Variants in GRIP1 observed in about 807,000 individuals in gnomAD.
The protein encoded by GRIP1 is glutamate receptor-interacting protein 1.
Under a neutral mutation model 129.9 loss-of-function variants are expected in GRIP1, and 45 were observed. The observed-to-expected ratio is 0.35, with a 90% CI of 0.27 to 0.44. GRIP1 has a LOEUF of 0.44. Among genes scored for constraint, GRIP1 ranks in the 20% least tolerant of loss-of-function variants. The pLI is 1.00. For synonymous variants in GRIP1, 530 were observed against 520.8 expected (o/e 1.02, Z -0.24); for missense variants, 1,196 against 1,396.8 (o/e 0.86, Z 2.29).
intron 1 of GRIP1, among the ~76,000 whole-genome samples, chr12:66,605,271 CTT>C (rs368662090): frequency 6.6e-6 from 1 of 152,002 alleles, no homozygotes; most frequent in African/African-American, 2.4e-5. Context: ...TAAATTGCTT[CTT>C]TTTTTGCCCC....
At chr12:66,786,952 T>C (rs965996570) in intron 1 of GRIP1, among the ~76,000 whole-genome samples, 2 of 152,188 alleles carry the variant, frequency 1.3e-5, no homozygotes, top group African/African-American at 4.8e-5. Flanking sequence ...ATCCTTTTGA[T>C]ACCTGAAAGT....
chr12:66,726,874 A>T (rs1237110873), intron 1 of GRIP1, among the ~76,000 whole-genome samples: 2 of 152,184 alleles, frequency 1.3e-5, no homozygotes, highest in Non-Finnish European at 2.9e-5. Context: ...AGGCAAAGCA[A>T]ATTTCCTCAA....
chr12:66,922,007 A>G (rs1050964784), intron 1 of GRIP1, among the ~76,000 whole-genome samples: 2 of 152,250 alleles, frequency 1.3e-5, no homozygotes, highest in African/African-American at 4.8e-5. Flanking sequence ...CAGAGACATG[A>G]AAAATTATTA....
chr12:66,914,221 G>A (rs1415363985), intron 1 of GRIP1, among the ~76,000 whole-genome samples: 1 of 152,112 alleles, frequency 6.6e-6, no homozygotes, highest in Non-Finnish European at 1.5e-5. Flanking sequence ...AAAATGGGGG[G>A]TAGGCACATA....
At chr12:66,523,284 G>A (rs955060078) in intron 5 of GRIP1, among the ~76,000 whole-genome samples, 2 of 150,510 alleles carry the variant, frequency 1.3e-5, no homozygotes, top group African/African-American at 4.9e-5. Flanking sequence ...AGAGAGAAAG[G>A]TCGGGTTACC....
intron 1 of GRIP1, among the ~76,000 whole-genome samples, chr12:66,999,734 A>G (rs1223720850): frequency 6.6e-6 from 1 of 152,216 alleles, no homozygotes; most frequent in East Asian, 1.9e-4. Flanking sequence ...GATTCAGAGT[A>G]AAGACACCAA....
chr12:67,064,429 T>C (rs1323149736), intron 1 of GRIP1, among the ~76,000 whole-genome samples: 1 of 152,210 alleles, frequency 6.6e-6, no homozygotes, highest in Non-Finnish European at 1.5e-5. Flanking sequence ...ATTCATTAGC[T>C]CTCTGAACCT....
At chr12:66,573,904 C>CTGATCA (rs1214071904) in intron 2 of GRIP1, among the ~76,000 whole-genome samples, 1 of 152,158 alleles carries the variant, frequency 6.6e-6, no homozygotes, top group Non-Finnish European at 1.5e-5. Flanking sequence ...GGGGATCATG[C>CTGATCA]TGGTTGGTGC....
At chr12:66,533,540 G>A (rs111731891) in intron 4 of GRIP1, among the ~76,000 whole-genome samples, 7,068 of 152,112 alleles carry the variant, frequency 0.046, 540 homozygotes, top group African/African-American at 0.16. Flanking sequence ...AGCTACTCAG[G>A]AGGCTGAGGC....
At chr12:66,467,366 T>C (rs2059315174) in intron 7 of GRIP1, among the ~76,000 whole-genome samples, 1 of 152,194 alleles carries the variant, frequency 6.6e-6, no homozygotes, top group Admixed American at 6.5e-5. Context: ...CTAGGGCCAA[T>C]GACAATGTCC....
chr12:66,649,464 C>T (rs1429666450), intron 1 of GRIP1, among the ~76,000 whole-genome samples: 3 of 152,204 alleles, frequency 2.0e-5, no homozygotes, highest in Non-Finnish European at 4.4e-5. Flanking sequence ...TTCAATTAAA[C>T]ACACAATTAT....
chr12:66,971,336 T>C (rs973508015), intron 1 of GRIP1, among the ~76,000 whole-genome samples: 1 of 152,208 alleles, frequency 6.6e-6, no homozygotes, highest in Non-Finnish European at 1.5e-5. Flanking sequence ...CTTTACATGC[T>C]GGAGTGCCTT....
At chr12:66,614,732 G>A (rs1475367281) in intron 1 of GRIP1, among the ~76,000 whole-genome samples, 2 of 152,060 alleles carry the variant, frequency 1.3e-5, no homozygotes, top group Admixed American at 6.6e-5. Context: ...CTACAAGGCC[G>A]TCTGTAATCC....
chr12:66,839,569 G>A (rs145186275), intron 1 of GRIP1, among the ~76,000 whole-genome samples: 10 of 152,274 alleles, frequency 6.6e-5, no homozygotes, highest in East Asian at 5.8e-4. Context: ...ATTCCACTCA[G>A]TCAACTGAGT....
intron 23 of GRIP1, among the ~76,000 whole-genome samples, chr12:66,361,577 G>T (rs901655111): frequency 3.3e-5 from 5 of 152,204 alleles, no homozygotes; most frequent in Non-Finnish European, 7.3e-5. Context: ...AAACCAAGCT[G>T]CAAGCAAGCA....
At chr12:66,652,166 G>A (rs2032840188) in intron 1 of GRIP1, among the ~76,000 whole-genome samples, 1 of 152,162 alleles carries the variant, frequency 6.6e-6, no homozygotes, top group South Asian at 2.1e-4. Context: ...GGTTGGCTGT[G>A]TCCCCACCCA....
intron 7 of GRIP1, among the ~76,000 whole-genome samples, chr12:66,479,553 CT>C (rs979026678): frequency 6.6e-6 from 1 of 152,138 alleles, no homozygotes; most frequent in African/African-American, 2.4e-5. Context: ...AGAGGGACTC[CT>C]CCCTAACTCA....
intron 1 of GRIP1, among the ~76,000 whole-genome samples, chr12:66,605,067 A>T (rs963528103): frequency 4.0e-5 from 2 of 49,828 alleles, no homozygotes; most frequent in Admixed American, 3.3e-4. Flanking sequence ...ATATATATAC[A>T]TATATATATA....
intron 7 of GRIP1, among the ~76,000 whole-genome samples, chr12:66,501,174 T>G (rs79743648): frequency 0.012 from 1,842 of 152,308 alleles, 43 homozygotes; most frequent in East Asian, 0.1. Flanking sequence ...TAGAAACAAG[T>G]AGTAAAATAG....
Sources: gnomAD v4.1 joint callset for allele counts (sites outside exome capture counted in the v4.1 genomes callset) on GRCh38, gnomAD v4.1.1 for gene constraint, MANE v1.5 for transcripts, NCBI Gene and HGNC (gene_info 2026-07-23, HGNC 2026-07-21) for gene names.